The following TCF4 variants were observed in gnomAD, a reference collection of about 807,000 sequenced individuals.
The protein encoded by TCF4 is transcription factor 4.
TCF4 carries 3 observed loss-of-function variants against 82.1 expected under a neutral mutation model. The observed-to-expected ratio is 0.04, with a 90% confidence interval of 0.02 to 0.09. The LOEUF (loss-of-function observed/expected upper bound fraction) is 0.09, where lower values mean the gene tolerates loss of function less well. Among genes scored for constraint, TCF4 ranks in the 10% least tolerant of loss-of-function variants. The pLI is 1.00. For missense variants in TCF4, 518 were observed against 852.7 expected, an observed-to-expected ratio of 0.61 and a Z score of 4.89; for synonymous variants, 276 against 309.6, an observed-to-expected ratio of 0.89 and a Z score of 1.14.
At chr18:55,613,787 C>T (rs2097709342) in intron 2 of TCF4, among the ~76,000 whole-genome samples, 1 of 152,196 alleles carries the variant, frequency 6.6e-6, no homozygotes, top group Admixed American at 6.5e-5. Flanking sequence ...CAAATCTCTC[C>T]TACAACATTG....
intron 3 of TCF4, among the ~76,000 whole-genome samples, chr18:55,581,318 C>T (rs1487461112): frequency 6.6e-6 from 1 of 152,010 alleles, no homozygotes; most frequent in Non-Finnish European, 1.5e-5. Flanking sequence ...CAGTTTGGAA[C>T]TCCTTATCTT....
chr18:55,630,029 T>TA (rs1335801484), intron 2 of TCF4, among the ~76,000 whole-genome samples: 1 of 152,220 alleles, frequency 6.6e-6, no homozygotes, highest in Non-Finnish European at 1.5e-5. Flanking sequence ...GATTTCACTG[T>TA]ATGTTTACCT....
intron 5 of TCF4, among the ~76,000 whole-genome samples, chr18:55,414,339 G>A (rs1345022528): frequency 1.3e-5 from 2 of 151,136 alleles, no homozygotes; most frequent in East Asian, 1.9e-4. Context: ...AAAAAAAAAC[G>A]TAGATGACAT....
rs9954880 is a variant in TCF4, at chr18:55,415,438, A to C, written c.305-11920T>G. 3.6e-3 allele frequency among the ~76,000 whole-genome samples: 550 copies of C among 152,312 alleles called. 1 individual carries two copies. The highest frequency in any genetic ancestry group is 0.013 in the African/African-American group (524 of 41,576). On this transcript the variant is annotated intron_variant, in intron 5 of 19. Transcript: ENST00000354452. ...AAAGAAAGAAAGAACCTCACACACC[A>C]GTCAGTTCCTATGTGAGCAGCCAGC...
chr18:55,225,208 T>C lies in TCF4; in HGVS notation c.*2827A>G, dbSNP rs2046438740. ...AATTTTCACTTATTTCCAAAGGGAA[T>C]TCAACAATAGAGGTATTGCATTACT... On this transcript the variant is annotated 3_prime_UTR_variant, in exon 20 of 20. Coordinates refer to ENST00000354452, the MANE Select transcript of TCF4 (RefSeq NM_001083962.2). 1 of 152,526 alleles carries C rather than the reference T, an allele frequency of 6.6e-6. No individual in the cohort carries two copies. The highest frequency in any genetic ancestry group is 2.4e-5 in the African/African-American group (1 of 41,418). The allele number at this position is 152,526 out of a possible 1,614,324, so 9.4% of individuals were successfully genotyped here.
intron 5 of TCF4, among the ~76,000 whole-genome samples, chr18:55,418,049 G>C (rs1240621934): frequency 6.6e-6 from 1 of 150,604 alleles, no homozygotes; most frequent in Non-Finnish European, 1.5e-5. Flanking sequence ...GTGTGTATCT[G>C]TGTGTGTAGT....
At chr18:55,484,798 G>C (rs1463671866) in intron 3 of TCF4, among the ~76,000 whole-genome samples, 5 of 152,184 alleles carry the variant, frequency 3.3e-5, no homozygotes. Context: ...AAGATACAAT[G>C]ACACTGTTAG....
Position 55,363,244 on chromosome 18 carries a change from T to C in TCF4, c.370-12241A>G, listed in dbSNP as rs1278553703. 3.3e-5 allele frequency among the ~76,000 whole-genome samples: 5 copies of C among 152,096 alleles called. No individual in the cohort carries two copies. The East Asian group carries it at 7.7e-4, about 23-fold the overall frequency. ...TCAGGAAATATTACAGAAAGATTTA[T>C]GGCGAGGCTGTCATTGAAAAAAAAA... On this transcript the variant is annotated intron_variant, in intron 6 of 19. Coordinates refer to ENST00000354452, the MANE Select transcript of TCF4 (RefSeq NM_001083962.2).
intron 9 of TCF4, among the ~76,000 whole-genome samples, chr18:55,279,240 C>T (rs544602671): frequency 1.1e-4 from 17 of 152,154 alleles, no homozygotes; most frequent in African/African-American, 2.9e-4. Flanking sequence ...ACAGCTACAT[C>T]GTCTTGGGGA....
intron 2 of TCF4, among the ~76,000 whole-genome samples, chr18:55,594,696 A>G (rs1053864383): frequency 1.3e-5 from 2 of 152,212 alleles, no homozygotes; most frequent in Non-Finnish European, 2.9e-5. Flanking sequence ...GCCTTACTTT[A>G]CCAAGCCATG....
At chr18:55,395,131 T>C (rs900130245) in intron 6 of TCF4, among the ~76,000 whole-genome samples, 4 of 152,192 alleles carry the variant, frequency 2.6e-5, no homozygotes, top group Non-Finnish European at 5.9e-5. Flanking sequence ...TCATTTCACA[T>C]TGAAACACTA....
chr18:55,487,577 T>TTTTA (rs769986312), intron 3 of TCF4, among the ~76,000 whole-genome samples: 7 of 152,312 alleles, frequency 4.6e-5, no homozygotes, highest in Non-Finnish European at 8.8e-5. Flanking sequence ...ACTAAAAGAA[T>TTTTA]GTTTTTTAAA....
At chr18:55,554,295 G>A (rs961760861) in intron 3 of TCF4, among the ~76,000 whole-genome samples, 2 of 151,900 alleles carry the variant, frequency 1.3e-5, no homozygotes, top group African/African-American at 4.8e-5. Context: ...GGAGAAAATA[G>A]AGCATCTATT....
chr18:55,576,400 ACCC>A (rs1291967953), intron 3 of TCF4, among the ~76,000 whole-genome samples: 1 of 152,082 alleles, frequency 6.6e-6, no homozygotes, highest in East Asian at 1.9e-4. Context: ...AATCGGTAAC[ACCC>A]CCGAGTGAAA....
intron 3 of TCF4, among the ~76,000 whole-genome samples, chr18:55,541,962 A>G (rs746540323): frequency 5.3e-5 from 8 of 152,140 alleles, no homozygotes; most frequent in East Asian, 1.9e-4. Context: ...TTACTACCAC[A>G]GCAGCAATGG....
intron 3 of TCF4, among the ~76,000 whole-genome samples, chr18:55,525,695 G>A (rs1395215653): frequency 6.6e-6 from 1 of 152,118 alleles, no homozygotes; most frequent in African/African-American, 2.4e-5. Context: ...GATTAACAGT[G>A]AACCCAATTT....
At chr18:55,540,883 T>C (rs1166666264) in intron 3 of TCF4, among the ~76,000 whole-genome samples, 1 of 152,078 alleles carries the variant, frequency 6.6e-6, no homozygotes, top group Non-Finnish European at 1.5e-5. Flanking sequence ...AAAAGGATAG[T>C]CCTATATTTA....
intron 6 of TCF4, among the ~76,000 whole-genome samples, chr18:55,392,410 G>C (rs1443871574): frequency 6.7e-6 from 1 of 150,150 alleles, no homozygotes; most frequent in Admixed American, 6.6e-5. Flanking sequence ...ATTCAGCCCA[G>C]GGGTTTGAGT....
intron 15 of TCF4, among the ~76,000 whole-genome samples, chr18:55,243,984 T>C (rs1005880760): frequency 2.0e-5 from 3 of 152,198 alleles, no homozygotes; most frequent in Non-Finnish European, 4.4e-5. Context: ...AAAGGAAGTT[T>C]TTTTTGGCAA....
Sources: gnomAD v4.1 joint callset for allele counts (sites outside exome capture counted in the v4.1 genomes callset) on GRCh38, gnomAD v4.1.1 for gene constraint, MANE v1.5 for transcripts, NCBI Gene and HGNC (gene_info 2026-07-23, HGNC 2026-07-21) for gene names.